The following KCTD16 variants were observed in gnomAD, a reference collection of about 807,000 sequenced individuals.
The protein encoded by KCTD16 is BTB/POZ domain-containing protein KCTD16.
A neutral mutation model predicts 33.2 loss-of-function variants in KCTD16; 13 were observed. The ratio of observed to expected loss-of-function variants is 0.39; its 90% CI spans 0.25 to 0.62. The LOEUF is 0.62. Among genes scored for constraint, KCTD16 ranks in the 20% least tolerant of loss-of-function variants. The pLI is 0.50. For missense variants in KCTD16, 441 were observed against 525.1 expected (o/e 0.84, Z 1.57); for synonymous variants, 197 against 195.3 (o/e 1.01, Z -0.07).
intron 2 of KCTD16, among the ~76,000 whole-genome samples, 184 bp downstream of exon 2, chr5:144,174,656 G>A (rs541601415): frequency 6.6e-6 from 1 of 152,164 alleles, no homozygotes; most frequent in South Asian, 2.1e-4. Context: ...TACTTTGAAC[G>A]ATGAATAGTT....
chr5:144,473,603 GCTACTCCAACTGAC>G (rs1231272495), intron 3 of KCTD16, 43 bp from the exon 4 acceptor site: 4 of 1,449,336 alleles, frequency 2.8e-6, no homozygotes, highest in Non-Finnish European at 3.8e-6. Flanking sequence ...GTGCTATACT[GCTACTCCAACTGAC>G]CTGGCTGGCA....
chr5:144,342,483 A>G (rs953651333), intron 3 of KCTD16, among the ~76,000 whole-genome samples: 2 of 152,106 alleles, frequency 1.3e-5, no homozygotes, highest in African/African-American at 4.8e-5. Context: ...GGGCTGAGAC[A>G]ATGGGGTTTT....
chr5:144,281,532 T>C (rs1755609476), intron 3 of KCTD16, among the ~76,000 whole-genome samples: 1 of 152,200 alleles, frequency 6.6e-6, no homozygotes, highest in African/African-American at 2.4e-5. Context: ...TTCCTTTTCA[T>C]TTTTTTATTA....
chr5:144,225,430 C>CACGGATATGAAAAGGCACAG (rs1272137712), intron 3 of KCTD16, among the ~76,000 whole-genome samples: 7 of 152,018 alleles, frequency 4.6e-5, no homozygotes, highest in African/African-American at 1.7e-4. Context: ...TCCTAGGTAC[C>CACGGATATGAAAAGGCACAG]ACGGATATGA....
At chr5:144,199,290 A>G (rs922876742) in intron 2 of KCTD16, among the ~76,000 whole-genome samples, 1 of 152,204 alleles carries the variant, frequency 6.6e-6, no homozygotes, top group African/African-American at 2.4e-5. Context: ...AGTTTACACT[A>G]CTGCTTTACC....
At chr5:144,271,117 A>T (rs1432198293) in intron 3 of KCTD16, among the ~76,000 whole-genome samples, 2 of 152,038 alleles carry the variant, frequency 1.3e-5, no homozygotes, top group Non-Finnish European at 2.9e-5. Context: ...GTTCTTCTCA[A>T]ACTTTTCCAA....
rs1437500428 is a variant in KCTD16, at chr5:144,480,214, G to A, written c.*6100G>A. 6.6e-6 allele frequency: 1 copy of A among 151,944 alleles called. No individual in the cohort carries two copies. The highest frequency in any genetic ancestry group is 1.9e-4 in the East Asian group (1 of 5,150). 9.4% of individuals were successfully genotyped at this position (151,944 alleles called of 1,614,324 possible). A position where few individuals can be genotyped will look rare whatever the true frequency, so the allele number is the denominator to read the frequency against. The stretch of plus-strand genomic sequence containing the variant: ...GGTTTATGTCAGCTCAGTGGATAAT[G>A]TGCGTGGGAGTGCTATCCGAGTGCA... On this transcript the variant is annotated 3_prime_UTR_variant, in exon 4 of 4. Coordinates refer to ENST00000512467, the MANE Select transcript of KCTD16 (RefSeq NM_020768.4).
chr5:144,311,040 C>A (rs1449174751), intron 3 of KCTD16, among the ~76,000 whole-genome samples: 1 of 152,178 alleles, frequency 6.6e-6, no homozygotes, highest in African/African-American at 2.4e-5. Flanking sequence ...ACCTTTACCA[C>A]TCAAACCAAT....
intron 3 of KCTD16, among the ~76,000 whole-genome samples, chr5:144,306,698 G>C (rs1201648325): frequency 6.6e-6 from 1 of 152,202 alleles, no homozygotes; most frequent in Non-Finnish European, 1.5e-5. Flanking sequence ...GGATCACCTG[G>C]TGGTGTAGAG....
At chr5:144,267,006 A>T (rs1005372816) in intron 3 of KCTD16, among the ~76,000 whole-genome samples, 3 of 152,114 alleles carry the variant, frequency 2.0e-5, no homozygotes, top group Admixed American at 1.3e-4. Context: ...GTTTATATAT[A>T]TTTTTTTCCT....
intron 3 of KCTD16, among the ~76,000 whole-genome samples, chr5:144,435,874 C>T (rs1753566641): frequency 6.6e-6 from 1 of 150,414 alleles, no homozygotes; most frequent in Non-Finnish European, 1.5e-5. Flanking sequence ...TATTCTGATG[C>T]CATTCTCCAA....
At chr5:144,438,596 A>T (rs560012326) in intron 3 of KCTD16, among the ~76,000 whole-genome samples, 3 of 152,174 alleles carry the variant, frequency 2.0e-5, no homozygotes, top group Non-Finnish European at 4.4e-5. Flanking sequence ...ACCTGCATCA[A>T]TCACTGTGGT....
chr5:144,331,202 A>C (rs1752349510), intron 3 of KCTD16, among the ~76,000 whole-genome samples: 1 of 152,210 alleles, frequency 6.6e-6, no homozygotes, highest in Non-Finnish European at 1.5e-5. Context: ...CTGGTACTGC[A>C]TCAGTTACTT....
At chr5:144,361,800 T>C (rs1580902020) in intron 3 of KCTD16, among the ~76,000 whole-genome samples, 1 of 152,112 alleles carries the variant, frequency 6.6e-6, no homozygotes, top group Non-Finnish European at 1.5e-5. Context: ...CTGTGGCCTA[T>C]ATAGCTAAAA....
intron 3 of KCTD16, among the ~76,000 whole-genome samples, chr5:144,220,562 A>ATGTG (rs70995040): frequency 8.0e-5 from 12 of 150,230 alleles, no homozygotes; most frequent in Admixed American, 2.7e-4. Context: ...ATGTATATTT[A>ATGTG]TGTGTGTGTG....
At chr5:144,235,114 A>G (rs1754212866) in intron 3 of KCTD16, among the ~76,000 whole-genome samples, 1 of 152,176 alleles carries the variant, frequency 6.6e-6, no homozygotes, top group African/African-American at 2.4e-5. Context: ...AGTTGATGGA[A>G]TAAAATGTTC....
chr5:144,381,432 A>G (rs1460622773), intron 3 of KCTD16, among the ~76,000 whole-genome samples: 1 of 152,226 alleles, frequency 6.6e-6, no homozygotes, highest in Non-Finnish European at 1.5e-5. Flanking sequence ...AGACTGGGCA[A>G]TATTTAAAGA....
chr5:144,429,382 C>G (rs1753406082), intron 3 of KCTD16, among the ~76,000 whole-genome samples: 1 of 152,144 alleles, frequency 6.6e-6, no homozygotes, highest in Non-Finnish European at 1.5e-5. Context: ...TCTCTAGCTA[C>G]AGGAAGTACT....
chr5:144,232,457 C>A (rs1393209253), intron 3 of KCTD16, among the ~76,000 whole-genome samples: 1 of 152,160 alleles, frequency 6.6e-6, no homozygotes, highest in Non-Finnish European at 1.5e-5. Context: ...GGTCACACAG[C>A]TGGTGAAAAG....
Sources: allele counts gnomAD v4.1 joint callset (sites outside exome capture counted in the v4.1 genomes callset), GRCh38; gene constraint gnomAD v4.1.1; transcripts MANE v1.5; gene names NCBI Gene and HGNC (gene_info 2026-07-23, HGNC 2026-07-21).